CMC1: variants seen among roughly 807,000 people sequenced by gnomAD.
The protein encoded by CMC1 is COX assembly mitochondrial protein homolog.
In CMC1, 14 loss-of-function variants were observed where a neutral mutation model predicts 14.1. The ratio of observed to expected loss-of-function variants is 0.99; its 90% confidence interval spans 0.66 to 1.55. CMC1 has a LOEUF of 1.55. Among genes scored for constraint, CMC1 ranks in the 40% most tolerant of loss-of-function variants. CMC1 has a pLI of 0.00. For missense variants in CMC1, 127 were observed against 123.8 expected (o/e 1.03, Z -0.12); for synonymous variants, 50 against 38.4 (o/e 1.30, Z -1.12).
intron 2 of CMC1, among the ~76,000 whole-genome samples, chr3:28,308,833 A>G (rs1039056352): frequency 1.3e-5 from 2 of 152,226 alleles, no homozygotes; most frequent in Middle Eastern, 3.4e-3. Context: ...AATACAAAAA[A>G]TTAGCCCTGT....
chr3:28,305,400 G>C (rs1442237528), intron 2 of CMC1, among the ~76,000 whole-genome samples: 1 of 152,178 alleles, frequency 6.6e-6, no homozygotes, highest in Admixed American at 6.5e-5. Flanking sequence ...AAGGGCAAGT[G>C]TCTTTTTGGT....
rs1702909877 is a variant in CMC1, at chr3:28,316,271, T to A, written c.110-62T>A. The A allele has an allele frequency of 6.7e-6, 5 of 750,894 alleles. No homozygotes were observed. The South Asian group carries it at 8.9e-5, about 13-fold the overall frequency. The allele number at this position is 750,894 out of a possible 1,614,324, so 46.5% of individuals were successfully genotyped here. On this transcript the variant is annotated intron_variant, in intron 2 of 3. Coordinates refer to ENST00000466830, the MANE Select transcript of CMC1 (RefSeq NM_182523.2). ...TTTTTTTCTAAAAAGAAGAAAATTGTGTGTGTGGGTATTTATATAGATATA... is the reference window on the plus strand; with the variant it reads ...TTTTTTTCTAAAAAGAAGAAAATTGAGTGTGTGGGTATTTATATAGATATA...
intron 2 of CMC1, among the ~76,000 whole-genome samples, chr3:28,279,608 CAG>C (rs1030686975): frequency 6.2e-5 from 9 of 146,248 alleles, no homozygotes; most frequent in South Asian, 2.1e-4. Context: ...GAAATATTAA[CAG>C]AGAATTTGAA....
chr3:28,246,056 G>T (rs941322046), intron 1 of CMC1, among the ~76,000 whole-genome samples: 2 of 151,682 alleles, frequency 1.3e-5, no homozygotes, highest in Non-Finnish European at 2.9e-5. Context: ...GCCCACCTCG[G>T]CCTCCCAAAG....
chr3:28,260,667 C>A (rs1353862319), intron 1 of CMC1, among the ~76,000 whole-genome samples: 1 of 145,614 alleles, frequency 6.9e-6, no homozygotes, highest in Non-Finnish European at 1.5e-5. Context: ...TTTCTGGTTT[C>A]TCAAGGTAGA....
chr3:28,308,436 A>G (rs1251494982), intron 2 of CMC1, among the ~76,000 whole-genome samples: 3 of 152,170 alleles, frequency 2.0e-5, no homozygotes, highest in Non-Finnish European at 2.9e-5. Flanking sequence ...TATTTTTAGC[A>G]TAGTTGGAAA....
intron 1 of CMC1, among the ~76,000 whole-genome samples, chr3:28,257,362 T>A (rs904844288): frequency 6.6e-6 from 1 of 152,176 alleles, no homozygotes; most frequent in African/African-American, 2.4e-5. Context: ...TTTCTTTTGC[T>A]CAAATGTTTT....
In CMC1 at chr3:28,270,379, G is replaced by A. The variant is rs1577015295; in HGVS notation, c.109+6999G>A. The stretch of plus-strand genomic sequence containing the variant: ...GAACTAATTTACATTCCCACCAACA[G>A]TGTAAAAGTGTTTCTGTTTCTCCAC... On this transcript the variant is annotated intron_variant, in intron 2 of 3. Coordinates refer to ENST00000466830, the MANE Select transcript of CMC1 (RefSeq NM_182523.2). Among the ~76,000 whole-genome samples, 4 of 152,148 alleles carry A rather than the reference G, an allele frequency of 2.6e-5. No individual in the cohort carries two copies. The South Asian group carries it at 8.3e-4, about 32-fold the overall frequency.
intron 2 of CMC1, among the ~76,000 whole-genome samples, chr3:28,301,462 C>A (rs1043701462): frequency 1.3e-5 from 2 of 152,154 alleles, no homozygotes; most frequent in Non-Finnish European, 2.9e-5. Flanking sequence ...TTCAAGCGAT[C>A]CTCCTGCCTC....
rs190265892 is a variant in CMC1, at chr3:28,298,789, G to T, written c.110-17544G>T. On this transcript the variant is annotated intron_variant, in intron 2 of 3. Coordinates refer to ENST00000466830, the MANE Select transcript of CMC1 (RefSeq NM_182523.2). ...CAAATATGTAAGCATTTTATTCTTG[G>T]ATTCACTAATTTCCCTGCTCAACAA... is the stretch of plus-strand genomic sequence containing the variant. Among the ~76,000 whole-genome samples, 40 of 152,006 alleles carry T rather than the reference G, an allele frequency of 2.6e-4. No homozygotes were observed. The East Asian group carries it at 7.5e-3, about 29-fold the overall frequency.
chr3:28,278,839 A>G (rs545134189), intron 2 of CMC1, among the ~76,000 whole-genome samples: 1 of 152,312 alleles, frequency 6.6e-6, no homozygotes, highest in African/African-American at 2.4e-5. Flanking sequence ...CCTTTTAACT[A>G]TGTCAAAGAT....
chr3:28,324,383 C>T lies in CMC1; in HGVS notation c.*4754C>T. On this transcript the variant is annotated 3_prime_UTR_variant, in exon 4 of 4. Transcript: ENST00000466830. ...AGAGGGGGATGTCTTGTGTATGTTG[C>T]AGTAAAATTCATCAAGTGCAGTTTT... The T allele has an allele frequency of 1.9e-6, 3 of 1,563,292 alleles. No homozygotes were observed. The highest frequency in any genetic ancestry group is 2.6e-6 in the Non-Finnish European group (3 of 1,154,450).
chr3:28,300,646 T>A (rs1701983798), intron 2 of CMC1, among the ~76,000 whole-genome samples: 1 of 26,184 alleles, frequency 3.8e-5, no homozygotes, highest in African/African-American at 1.8e-4. Flanking sequence ...TTTCCCTCCC[T>A]CCATCCCTTT....
At chr3:28,302,223 A>T (rs912834046) in intron 2 of CMC1, among the ~76,000 whole-genome samples, 2 of 152,200 alleles carry the variant, frequency 1.3e-5, no homozygotes, top group African/African-American at 4.8e-5. Flanking sequence ...CACTAAAAAC[A>T]CGGATCCTAC....
chr3:28,271,116 T>C (rs1378810489), intron 2 of CMC1, among the ~76,000 whole-genome samples: 1 of 151,808 alleles, frequency 6.6e-6, no homozygotes, highest in African/African-American at 2.4e-5. Flanking sequence ...TTTTTTGTTT[T>C]TTGAGATGGA....
intron 2 of CMC1, among the ~76,000 whole-genome samples, chr3:28,271,282 T>C (rs1277725873): frequency 6.6e-6 from 1 of 152,062 alleles, no homozygotes; most frequent in African/African-American, 2.4e-5. Context: ...TATGTTTTGA[T>C]AGGGATGGTG....
intron 2 of CMC1, among the ~76,000 whole-genome samples, chr3:28,270,957 G>A (rs1327960275): frequency 6.8e-5 from 7 of 103,612 alleles, no homozygotes; most frequent in South Asian, 2.8e-4. Context: ...TGGAGTTTTC[G>A]TGTTGCCCAA....
chr3:28,293,770 C>G (rs1309242510), intron 2 of CMC1, among the ~76,000 whole-genome samples: 1 of 151,686 alleles, frequency 6.6e-6, no homozygotes, highest in Non-Finnish European at 1.5e-5. Context: ...TTAGTAGAGA[C>G]CGAGTTTCAC....
chr3:28,310,206 C>T (rs1371067368), intron 2 of CMC1, among the ~76,000 whole-genome samples: 2 of 152,084 alleles, frequency 1.3e-5, no homozygotes, highest in African/African-American at 4.8e-5. Context: ...TCCATAGCAC[C>T]CTCCCTGCCC....
Sources: allele counts gnomAD v4.1 joint callset (sites outside exome capture counted in the v4.1 genomes callset), GRCh38; gene constraint gnomAD v4.1.1; transcripts MANE v1.5; gene names NCBI Gene and HGNC (gene_info 2026-07-23, HGNC 2026-07-21).